The following WWOX variants were observed in gnomAD, a reference collection of about 807,000 sequenced individuals.
The protein encoded by WWOX is WW domain-containing oxidoreductase.
WWOX carries 69 observed loss-of-function variants against 46.2 expected under a neutral mutation model. That is an observed-to-expected ratio of 1.49 (90% CI 1.23 to 1.82). The LOEUF (loss-of-function observed/expected upper bound fraction) is 1.82. WWOX is among the 40% of genes most tolerant of loss of function. The pLI is 0.00. For synonymous variants in WWOX, 359 were observed against 202.6 expected, an observed-to-expected ratio of 1.77 and a Z score of -6.56; for missense variants, 919 against 542.6, an observed-to-expected ratio of 1.69 and a Z score of -6.89.
chr16:78,455,619 G>A (rs2083796661), intron 8 of WWOX, among the ~76,000 whole-genome samples: 1 of 115,792 alleles, frequency 8.6e-6, no homozygotes, highest in African/African-American at 5.5e-5. Context: ...CTCCAGCCTG[G>A]GTTAACAGAG....
intron 6 of WWOX, among the ~76,000 whole-genome samples, chr16:78,417,771 C>T (rs547267165): frequency 3.2e-4 from 48 of 152,240 alleles, no homozygotes; most frequent in Middle Eastern, 3.4e-3. Flanking sequence ...CTGCCTATCT[C>T]TTCACAGAGT....
intron 8 of WWOX, among the ~76,000 whole-genome samples, chr16:78,474,418 A>G (rs549272867): frequency 2.6e-5 from 4 of 152,364 alleles, no homozygotes; most frequent in African/African-American, 4.8e-5. Flanking sequence ...GTAGTGATGA[A>G]GAAAGCTTAA....
At chr16:78,469,233 C>G (rs2084161796) in intron 8 of WWOX, among the ~76,000 whole-genome samples, 1 of 152,080 alleles carries the variant, frequency 6.6e-6, no homozygotes, top group Non-Finnish European at 1.5e-5. Context: ...AGCCTCCAAA[C>G]CACCCATCAA....
intron 5 of WWOX, among the ~76,000 whole-genome samples, chr16:78,257,032 G>A (rs996842618): frequency 4.6e-5 from 7 of 152,034 alleles, no homozygotes; most frequent in Admixed American, 3.9e-4. Flanking sequence ...ACTTGAGGCC[G>A]TGTCTTTTAC....
intron 6 of WWOX, among the ~76,000 whole-genome samples, chr16:78,423,193 A>G (rs1426506239): frequency 6.6e-6 from 1 of 152,032 alleles, no homozygotes; most frequent in Non-Finnish European, 1.5e-5. Flanking sequence ...CCTTATTTTT[A>G]TATATCTTCC....
intron 8 of WWOX, among the ~76,000 whole-genome samples, chr16:78,770,800 CT>C (rs10717088): frequency 0.81 from 122,503 of 152,042 alleles, 50,130 homozygotes; most frequent in Middle Eastern, 0.93. Context: ...AGGGGAAACT[CT>C]TCTTTCCTCC....
At chr16:79,107,665 C>G (rs1244467782) in intron 8 of WWOX, among the ~76,000 whole-genome samples, 1 of 152,208 alleles carries the variant, frequency 6.6e-6, no homozygotes, top group Admixed American at 6.5e-5. Context: ...GCGACATGCA[C>G]ATTTTCATGT....
At chr16:78,541,101 T>G (rs1166816299) in intron 8 of WWOX, among the ~76,000 whole-genome samples, 1 of 152,194 alleles carries the variant, frequency 6.6e-6, no homozygotes, top group Non-Finnish European at 1.5e-5. Flanking sequence ...TAATATATTT[T>G]GAGACCTGAC....
chr16:78,652,227 T>A (rs555392409), intron 8 of WWOX, among the ~76,000 whole-genome samples: 1 of 139,630 alleles, frequency 7.2e-6, no homozygotes, highest in African/African-American at 2.6e-5. Context: ...CTGGCCAATA[T>A]GGTGAAACCT....
At chr16:79,010,372 G>C (rs910289764) in intron 8 of WWOX, among the ~76,000 whole-genome samples, 1 of 152,078 alleles carries the variant, frequency 6.6e-6, no homozygotes, top group Non-Finnish European at 1.5e-5. Flanking sequence ...CAGCTTCAGA[G>C]ACAGATCTGG....
intron 5 of WWOX, among the ~76,000 whole-genome samples, chr16:78,229,046 T>C (rs2037161234): frequency 6.6e-6 from 1 of 152,190 alleles, no homozygotes. Context: ...AGATACTTGT[T>C]ATTTGACCTC....
chr16:78,431,908 G>A (rs1039912578), intron 7 of WWOX, among the ~76,000 whole-genome samples: 7 of 151,986 alleles, frequency 4.6e-5, no homozygotes, highest in Non-Finnish European at 8.8e-5. Context: ...TAGACATGGT[G>A]TCTCCCTATG....
At chr16:78,111,997 C>G (rs1008610532) in intron 3 of WWOX, 1 of 153,524 alleles carries the variant, frequency 6.5e-6, no homozygotes, top group Admixed American at 6.5e-5. Flanking sequence ...CGTGCCCAGC[C>G]GTTCGGGGCC....
At chr16:78,757,209 T>A (rs1460797980) in intron 8 of WWOX, among the ~76,000 whole-genome samples, 1 of 152,182 alleles carries the variant, frequency 6.6e-6, no homozygotes, top group Non-Finnish European at 1.5e-5. Context: ...TTCAGCCCAC[T>A]TAGTTTTGGG....
At chr16:78,703,094 G>T (rs1597465509) in intron 8 of WWOX, among the ~76,000 whole-genome samples, 1 of 152,166 alleles carries the variant, frequency 6.6e-6, no homozygotes, top group Admixed American at 6.5e-5. Flanking sequence ...GTTAGGTAGA[G>T]GGCTGCAGGG....
chr16:79,008,875 G>T (rs565506211), intron 8 of WWOX, among the ~76,000 whole-genome samples: 2 of 118,062 alleles, frequency 1.7e-5, no homozygotes, highest in African/African-American at 7.9e-5. Flanking sequence ...TTGGAGCCAC[G>T]TGTGTATAAT....
At chr16:78,152,891 C>T (rs2034466438) in intron 4 of WWOX, among the ~76,000 whole-genome samples, 1 of 119,482 alleles carries the variant, frequency 8.4e-6, no homozygotes, top group African/African-American at 3.2e-5. Flanking sequence ...TTTCCCACTT[C>T]TTGAGTTGGT....
At chr16:78,619,219 C>T (rs567325498) in intron 8 of WWOX, among the ~76,000 whole-genome samples, 1 of 80,814 alleles carries the variant, frequency 1.2e-5, no homozygotes, top group East Asian at 4.4e-4. Flanking sequence ...ATATATGTAG[C>T]CATGCATGGG....
chr16:78,703,535 C>G (rs571303304), intron 8 of WWOX, among the ~76,000 whole-genome samples: 3 of 151,978 alleles, frequency 2.0e-5, no homozygotes, highest in Admixed American at 2.0e-4. Flanking sequence ...AGGAGGATCC[C>G]TTGAGTCCAG....
Sources: allele counts gnomAD v4.1 joint callset (sites outside exome capture counted in the v4.1 genomes callset), GRCh38; gene constraint gnomAD v4.1.1; transcripts MANE v1.5; gene names NCBI Gene and HGNC (gene_info 2026-07-23, HGNC 2026-07-21).